The following ZFHX3 variants were observed in gnomAD, a reference collection of about 807,000 sequenced individuals.
ZFHX3 encodes zinc finger homeobox protein 3.
Under a neutral mutation model 279.1 loss-of-function variants are expected in ZFHX3, and 42 were observed. The observed-to-expected ratio is 0.15, with a 90% CI of 0.12 to 0.19. ZFHX3 has a LOEUF of 0.19. ZFHX3 is among the 10% of genes least tolerant of loss of function. The pLI is 1.00. For synonymous variants in ZFHX3, 2,293 were observed against 1,957.8 expected, an observed-to-expected ratio of 1.17 and a Z score of -4.52; for missense variants, 4,981 against 4,754.0, an observed-to-expected ratio of 1.05 and a Z score of -1.40.
chr16:73,016,323 T>G (rs1199878694), intron 1 of ZFHX3, among the ~76,000 whole-genome samples: 2 of 152,190 alleles, frequency 1.3e-5, no homozygotes, highest in African/African-American at 4.8e-5. Flanking sequence ...CAATAGGATT[T>G]AAATGTTCAA....
intron 3 of ZFHX3, among the ~76,000 whole-genome samples, chr16:72,941,351 C>G (rs1960401156): frequency 6.6e-6 from 1 of 152,190 alleles, no homozygotes; most frequent in African/African-American, 2.4e-5. Context: ...TTGGGAACCA[C>G]TGGAAGAAAA....
At chr16:73,270,744 A>G (rs2014120926) in intron 4 of ZFHX3, among the ~76,000 whole-genome samples, 1 of 152,132 alleles carries the variant, frequency 6.6e-6, no homozygotes, top group African/African-American at 2.4e-5. Context: ...AAACATATGG[A>G]TGCCCTGGAC....
In ZFHX3 at chr16:73,674,091, G is replaced by C. The variant is rs1015967958; in HGVS notation, c.-1547+6089C>G. On this transcript the variant is annotated intron_variant, in intron 2 of 17. Transcript: ENST00000641206. ...AAAATGTACTCAACTCTAATTCCTCGAAGGAAGGGGCCAAATCTTGTTTGC... is the reference window on the plus strand; with the variant it reads ...AAAATGTACTCAACTCTAATTCCTCCAAGGAAGGGGCCAAATCTTGTTTGC... Among the ~76,000 whole-genome samples, 3 of 152,154 alleles carry C rather than the reference G, an allele frequency of 2.0e-5. No homozygotes were observed. In the South Asian group the frequency reaches 6.2e-4, roughly 32 times the overall value.
At chr16:72,841,975 G>A (rs779113691) in intron 4 of ZFHX3, among the ~76,000 whole-genome samples, 1 of 152,206 alleles carries the variant, frequency 6.6e-6, no homozygotes, top group Non-Finnish European at 1.5e-5. Flanking sequence ...AGATGACAAA[G>A]TCATCAGGGA....
chr16:73,555,688 C>T (rs1256669638), intron 2 of ZFHX3, among the ~76,000 whole-genome samples: 6 of 151,544 alleles, frequency 4.0e-5, no homozygotes, highest in African/African-American at 7.3e-5. Flanking sequence ...AAAAATTAGC[C>T]GGGCGTGGTG....
At chr16:73,641,039 T>C (rs986422944) in intron 2 of ZFHX3, among the ~76,000 whole-genome samples, 2 of 152,182 alleles carry the variant, frequency 1.3e-5, no homozygotes, top group African/African-American at 4.8e-5. Context: ...AACAGGGAAG[T>C]ACCTTAAACA....
chr16:73,875,756 T>C (rs2029926987), intron 1 of ZFHX3, among the ~76,000 whole-genome samples: 1 of 152,202 alleles, frequency 6.6e-6, no homozygotes, highest in Non-Finnish European at 1.5e-5. Flanking sequence ...ATTGCTTATT[T>C]TACACACATC....
At chr16:73,200,216 T>C (rs1433482347) in intron 5 of ZFHX3, among the ~76,000 whole-genome samples, 2 of 152,310 alleles carry the variant, frequency 1.3e-5, no homozygotes, top group African/African-American at 4.8e-5. Context: ...TAGTAAATCG[T>C]ATTAAATTGG....
intron 4 of ZFHX3, among the ~76,000 whole-genome samples, chr16:73,290,076 G>C (rs949563286): frequency 4.6e-5 from 7 of 151,042 alleles, no homozygotes; most frequent in Non-Finnish European, 1.0e-4. Context: ...TACGAACTAA[G>C]AACATAAGCT....
intron 2 of ZFHX3, among the ~76,000 whole-genome samples, chr16:73,572,004 G>T (rs2051742938): frequency 6.6e-6 from 1 of 152,052 alleles, no homozygotes; most frequent in African/African-American, 2.4e-5. Context: ...GAAAATGCCA[G>T]AAGTCAAAAT....
Position 72,959,505 on chromosome 16 carries a change from G to A in ZFHX3, c.641C>T (p.Ala214Val). The A allele has an allele frequency of 2.5e-6, 4 of 1,614,272 alleles. No homozygotes were observed. Among genetic ancestry groups the A allele is most frequent in the Non-Finnish European group, 3.4e-6 (4 of 1,180,044 alleles). The change falls in exon 2 of 10, where the codon GCT becomes GTT. Residue 214 changes from alanine to valine, a missense_variant. Coordinates refer to ENST00000268489, the MANE Select transcript of ZFHX3 (RefSeq NM_006885.4). ...CGCCAGGGCTGAGGTATTCGGGAAA[G>A]CCTGGTCTGGGCCCTCAAACCATTT... Reference protein sequence around the residue: ...FGKWFEGPDQAFPNTSALAGL... With the variant: ...FGKWFEGPDQVFPNTSALAGL...
chr16:73,322,401 T>G (rs1311908160), intron 3 of ZFHX3, among the ~76,000 whole-genome samples: 2 of 152,168 alleles, frequency 1.3e-5, no homozygotes, highest in African/African-American at 4.8e-5. Flanking sequence ...CAGGATGTCT[T>G]GATGTATGGT....
rs1466820152 is a variant in ZFHX3, at chr16:73,852,643, C to T, written c.-1608+39008G>A. ...CACCCTCATAACACAATCTCAGGTCCTTCAGCCCTGACTCCTTTTTCAGAC... is the reference window on the plus strand; with the variant it reads ...CACCCTCATAACACAATCTCAGGTCTTTCAGCCCTGACTCCTTTTTCAGAC... On this transcript the variant is annotated intron_variant, in intron 1 of 17. Transcript: ENST00000641206. Among the ~76,000 whole-genome samples, 3 of 152,126 alleles carry T rather than the reference C, an allele frequency of 2.0e-5. No individual in the cohort carries two copies. In the East Asian group the frequency reaches 5.8e-4, roughly 29 times the overall value.
intron 3 of ZFHX3, among the ~76,000 whole-genome samples, chr16:72,915,762 T>TAA (rs35736633): frequency 1.6e-5 from 2 of 126,006 alleles, no homozygotes; most frequent in Admixed American, 8.1e-5. Flanking sequence ...GACTCTGTCA[T>TAA]AAAAAAAAAA....
chr16:73,131,081 C>G (rs758418359), exon 7 of ZFHX3: 3 of 866,252 alleles, frequency 3.5e-6, no homozygotes, highest in Non-Finnish European at 5.1e-6. Flanking sequence ...TTCTTTGTGT[C>G]TCAGCTTCTC....
At chr16:73,478,848 C>G (rs1411938145) in intron 2 of ZFHX3, among the ~76,000 whole-genome samples, 1 of 152,064 alleles carries the variant, frequency 6.6e-6, no homozygotes, top group Non-Finnish European at 1.5e-5. Context: ...GTCAGGAGTT[C>G]GAGACCAGCC....
chr16:72,916,459 C>T (rs987409705), intron 3 of ZFHX3, among the ~76,000 whole-genome samples: 2 of 152,154 alleles, frequency 1.3e-5, no homozygotes, highest in African/African-American at 2.4e-5. Flanking sequence ...TCCTGTCCAG[C>T]GTTTCTAATA....
At chr16:73,244,283 C>T (rs1428688170) in intron 5 of ZFHX3, among the ~76,000 whole-genome samples, 1 of 152,080 alleles carries the variant, frequency 6.6e-6, no homozygotes, top group Non-Finnish European at 1.5e-5. Flanking sequence ...AAGGATGACA[C>T]AGTAATCAAA....
chr16:73,000,128 C>T (rs569539087), intron 1 of ZFHX3, among the ~76,000 whole-genome samples: 1 of 152,266 alleles, frequency 6.6e-6, no homozygotes, highest in Non-Finnish European at 1.5e-5. Flanking sequence ...AGGGCCCACC[C>T]GAGTAAGTAT....
Sources: allele counts gnomAD v4.1 joint callset (sites outside exome capture counted in the v4.1 genomes callset), GRCh38; gene constraint gnomAD v4.1.1; transcripts MANE v1.5; gene names NCBI Gene and HGNC (gene_info 2026-07-23, HGNC 2026-07-21).